Variants in HCCS observed in about 807,000 individuals in gnomAD.
HCCS encodes holocytochrome c synthase.
A neutral mutation model predicts 24.2 loss-of-function variants in HCCS; 2 were observed. That is an observed-to-expected ratio of 0.08 (90% CI 0.03 to 0.26). The LOEUF is 0.26. Among genes scored for constraint, HCCS ranks in the 10% least tolerant of loss-of-function variants. The pLI is 1.00. For missense variants in HCCS, 150 were observed against 213.3 expected, an observed-to-expected ratio of 0.70 and a Z score of 1.85; for synonymous variants, 73 against 76.2, an observed-to-expected ratio of 0.96 and a Z score of 0.22.
At position 11,114,878 on chromosome X, in the gene HCCS, G is replaced by T; in HGVS notation, c.144G>T (p.Lys48Asn). ...AGCCATCTGGCCCAACCTGTGAGAA[G>T]AAAACATACTCTGTGCCTGCCCACC... Reference protein sequence around the residue: ...NTEPSGPTCEKKTYSVPAHQE... With the variant: ...NTEPSGPTCENKTYSVPAHQE... The change falls in exon 3 of 7, where the codon AAG becomes AAT. Residue 48 changes from lysine (K) to asparagine (N), a missense_variant. By Grantham distance (94) the Lys-to-Asn change is moderately conservative. This residue lies in a region of HCCS where 95 missense variants were observed against 79.1 expected (regional missense o/e 1.20). Coordinates refer to ENST00000380762, the MANE Select transcript of HCCS (RefSeq NM_005333.5). The T allele has an allele frequency of 8.3e-7, 1 of 1,208,116 alleles. No individual in the cohort carries two copies. Among genetic ancestry groups the T allele is most frequent in the Non-Finnish European group, 1.1e-6 (1 of 892,063 alleles).
chrX:11,113,084 A>G (rs1430132670), intron 2 of HCCS, among the ~76,000 whole-genome samples: 1 of 113,131 alleles, frequency 8.8e-6, no homozygotes, highest in Non-Finnish European at 1.9e-5. Context: ...TAAGAAAATG[A>G]AAATGGAAAA....
chrX:11,122,043 GTC>G lies in HCCS; in HGVS notation c.*238_*239del. 7.7e-6 allele frequency: 3 copies of G among 387,817 alleles called. No homozygotes were observed. The highest frequency in any genetic ancestry group is 1.3e-5 in the Non-Finnish European group (3 of 222,906). The allele number at this position is 387,817 out of a possible 1,213,427, so 32.0% of individuals were successfully genotyped here. The stretch of plus-strand genomic sequence containing the variant: ...TCCTACTTAGCTTAAGTGGGAAGCA[GTC>G]TCTCAGTTTTTCCTTTACCTGCAGT... On this transcript the variant is annotated 3_prime_UTR_variant, in exon 7 of 7. Transcript: ENST00000380762.
At position 11,114,841 on chromosome X, in the gene HCCS, C is replaced by T. The variant is rs1178817470; in HGVS notation, c.107C>T (p.Pro36Leu). 6.6e-6 allele frequency: 8 copies of T among 1,206,754 alleles called. No homozygotes were observed. In the Admixed American group the frequency reaches 1.1e-4, roughly 16 times the overall value. ...PMHEGKMKGC[P>L]VNTEPSGPTC... ...TTATACTTGATTATTTCAGGCTGTC[C>T]AGTGAATACAGAGCCATCTGGCCCA... The change falls in exon 3 of 7, where the codon CCA (proline) becomes CTA (leucine). Residue 36 changes from proline to leucine, a missense_variant. Coordinates refer to ENST00000380762, the MANE Select transcript of HCCS (RefSeq NM_005333.5).
At chrX:11,116,714 A>G (rs897731634) in intron 3 of HCCS, among the ~76,000 whole-genome samples, 10 of 112,484 alleles carry the variant, frequency 8.9e-5, no homozygotes, top group African/African-American at 3.2e-4. Context: ...CTAGCATAAC[A>G]GTATTGGTGA....
chrX:11,116,500 CTT>C (rs1394846687), intron 3 of HCCS, among the ~76,000 whole-genome samples: 4 of 112,881 alleles, frequency 3.5e-5, no homozygotes, highest in African/African-American at 1.3e-4. Context: ...GTGATGGAGA[CTT>C]TTAATTAATG....
chrX:11,115,147 G>A (rs1004343984), intron 3 of HCCS, among the ~76,000 whole-genome samples, 161 bp downstream of exon 3: 1 of 112,376 alleles, frequency 8.9e-6, no homozygotes, highest in African/African-American at 3.2e-5. Context: ...GTGTTAGTAA[G>A]TGTAGTTTCA....
intron 2 of HCCS, 21 bp from the exon 3 acceptor site, chrX:11,114,814 T>C (rs746502140): frequency 8.3e-7 from 1 of 1,203,065 alleles, no homozygotes; most frequent in South Asian, 1.8e-5. Flanking sequence ...GTGACACCAT[T>C]TTTATACTTG....
chrX:11,112,558 C>T (rs1314390571), intron 2 of HCCS, among the ~76,000 whole-genome samples: 1 of 112,191 alleles, frequency 8.9e-6, no homozygotes, highest in African/African-American at 3.2e-5. Context: ...GAGTCAGGCA[C>T]CCTGGGTCTG....
At chrX:11,119,477 G>A (rs750057425) in intron 5 of HCCS, among the ~76,000 whole-genome samples, 2 of 111,995 alleles carry the variant, frequency 1.8e-5, no homozygotes, top group East Asian at 5.6e-4. Flanking sequence ...AGTCTGTTTC[G>A]GGTGGTGCCT....
At chrX:11,119,015 C>G (rs963715456) in intron 5 of HCCS, among the ~76,000 whole-genome samples, 3 of 111,384 alleles carry the variant, frequency 2.7e-5, no homozygotes, top group Non-Finnish European at 5.7e-5. Context: ...CATATGGTGG[C>G]TAGGTTCCAA....
Position 11,112,074 on chromosome X carries a change from C to T in HCCS, c.14C>T (p.Pro5Leu). Residue 5 changes from proline (P) to leucine (L), a missense_variant, in exon 2 of 7, where the codon CCA (proline) becomes CTA (leucine). Coordinates refer to ENST00000380762, the MANE Select transcript of HCCS (RefSeq NM_005333.5). Reference protein sequence around the residue: MGLSPSAPAVAVQAS... With the variant: MGLSLSAPAVAVQAS... ...CTGTTTCCAGCCATGGGTTTGTCTC[C>T]ATCTGCTCCTGCTGTTGCAGTTCAG... 3 of 1,207,538 alleles carry T rather than the reference C, an allele frequency of 2.5e-6. No homozygotes were observed. Among genetic ancestry groups the T allele is most frequent in the African/African-American group, 1.7e-5 (1 of 57,882 alleles).
In HCCS at chrX:11,122,022, ACTTAG is replaced by A. The variant is rs780516444; in HGVS notation, c.*217_*221del. On this transcript the variant is annotated 3_prime_UTR_variant, in exon 7 of 7. Coordinates refer to ENST00000380762, the MANE Select transcript of HCCS (RefSeq NM_005333.5). ...TAGCAGATCATTTTGTTTTCTTCCTACTTAGCTTAAGTGGGAAGCAGTCTCTCAGT... is the reference window on the plus strand; with the variant it reads ...TAGCAGATCATTTTGTTTTCTTCCTACTTAAGTGGGAAGCAGTCTCTCAGT... 4.7e-5 allele frequency: 19 copies of A among 405,157 alleles called. No homozygotes were observed. The highest frequency in any genetic ancestry group is 6.8e-5 in the Non-Finnish European group (16 of 233,924). The allele number at this position is 405,157 out of a possible 1,213,427, so 33.4% of individuals were successfully genotyped here.
intron 3 of HCCS, 62 bp downstream of exon 3, chrX:11,115,048 C>G: frequency 1.0e-6 from 1 of 981,309 alleles, no homozygotes. Flanking sequence ...TACAGACTCC[C>G]AAGACAAGTT....
At chrX:11,120,424 G>A (rs936953340) in intron 5 of HCCS, among the ~76,000 whole-genome samples, 9 of 111,915 alleles carry the variant, frequency 8.0e-5, no homozygotes, top group Non-Finnish European at 1.1e-4. Context: ...TAAGGAGCTG[G>A]TCCAACATTA....
chrX:11,119,734 C>A (rs1296222290), intron 5 of HCCS, among the ~76,000 whole-genome samples: 2 of 112,439 alleles, frequency 1.8e-5, no homozygotes, highest in Non-Finnish European at 3.8e-5. Flanking sequence ...GGAACAACTG[C>A]AACCGTGTTG....
chrX:11,117,573 G>A (rs191012808), intron 4 of HCCS, among the ~76,000 whole-genome samples, 158 bp downstream of exon 4: 328 of 111,888 alleles, frequency 2.9e-3, no homozygotes, highest in Non-Finnish European at 5.1e-3. Context: ...ATGTAAGTGC[G>A]AGACCAGTGT....
In HCCS at chrX:11,113,050, C is replaced by T. The variant is rs188035520; in HGVS notation, c.100+890C>T. Among the ~76,000 whole-genome samples, 7 of 112,977 alleles carry T rather than the reference C, an allele frequency of 6.2e-5. No homozygotes were observed. The East Asian group carries it at 1.9e-3, about 31-fold the overall frequency. ...TATATAAAAGTAAGCCATCACTTAA[C>T]GGGCTTGCTGTCCATTCTTTAGATA... On this transcript the variant is annotated intron_variant, in intron 2 of 6. Coordinates refer to ENST00000380762, the MANE Select transcript of HCCS (RefSeq NM_005333.5).
intron 5 of HCCS, among the ~76,000 whole-genome samples, chrX:11,119,646 G>C (rs2045476139): frequency 8.9e-6 from 1 of 112,373 alleles, no homozygotes; most frequent in African/African-American, 3.2e-5. Flanking sequence ...TTTAATATTT[G>C]CACTCTGAAG....
intron 2 of HCCS, among the ~76,000 whole-genome samples, chrX:11,112,566 C>G (rs930601481): frequency 8.9e-6 from 1 of 112,265 alleles, no homozygotes; most frequent in Non-Finnish European, 1.9e-5. Flanking sequence ...CACCCTGGGT[C>G]TGGTCGTTAT....
Sources: allele counts gnomAD v4.1 joint callset (sites outside exome capture counted in the v4.1 genomes callset), GRCh38; gene constraint gnomAD v4.1.1; regional missense constraint gnomAD v4.1.1; transcripts MANE v1.5; gene names NCBI Gene and HGNC (gene_info 2026-07-23, HGNC 2026-07-21).